The following PPP2R2A variants were observed in gnomAD, a reference collection of about 807,000 sequenced individuals.
The protein encoded by PPP2R2A is serine/threonine-protein phosphatase 2A 55 kDa regulatory subunit B alpha isoform.
Under a neutral mutation model 53.2 loss-of-function variants are expected in PPP2R2A, and 9 were observed. The ratio of observed to expected loss-of-function variants is 0.17; its 90% CI spans 0.10 to 0.30. The LOEUF is 0.30. Among genes scored for constraint, PPP2R2A ranks in the 10% least tolerant of loss-of-function variants. The probability of loss-of-function intolerance (pLI) is 1.00; values close to 1 mark genes in which losing one functional copy is unlikely to be tolerated. For synonymous variants in PPP2R2A, 169 were observed against 174.2 expected (o/e 0.97, Z 0.23); for missense variants, 235 against 534.6 (o/e 0.44, Z 5.53).
At chr8:26,363,407 T>G (rs114304086) in intron 7 of PPP2R2A, 8,202 of 207,550 alleles carry the variant, frequency 0.04, 159 homozygotes, top group Middle Eastern at 0.062. Flanking sequence ...ATACAGGCAG[T>G]CAGTGAGGCA....
chr8:26,315,874 A>G (rs1383586904), intron 2 of PPP2R2A, among the ~76,000 whole-genome samples: 1 of 152,236 alleles, frequency 6.6e-6, no homozygotes, highest in Non-Finnish European at 1.5e-5. Context: ...TAACAAGTGT[A>G]TCAAAATGTT....
Position 26,333,693 on chromosome 8 carries a change from C to T in PPP2R2A, c.83-5197C>T, listed in dbSNP as rs751445520. On this transcript the variant is annotated intron_variant, in intron 2 of 9. Coordinates refer to ENST00000380737, the MANE Select transcript of PPP2R2A (RefSeq NM_002717.4). ...TTGCTGATTTTTATACTGAGAGTTA[C>T]ATTTTTGAACCTTTGGCTGTATGTG... The T allele has an allele frequency of 4.5e-5, 15 of 331,782 alleles. 1 individual carries two copies. The highest frequency in any genetic ancestry group is 1.8e-4 in the Admixed American group (4 of 22,244). The allele number at this position is 331,782 out of a possible 1,614,324, so 20.6% of individuals were successfully genotyped here.
chr8:26,350,772 T>TC (rs1804460113), intron 3 of PPP2R2A: 1 of 152,200 alleles, frequency 6.6e-6, no homozygotes, highest in Non-Finnish European at 1.5e-5. Flanking sequence ...CGAAATCTCT[T>TC]ATAATTTTCT....
chr8:26,320,280 C>T (rs1802770256), intron 2 of PPP2R2A, among the ~76,000 whole-genome samples: 1 of 152,194 alleles, frequency 6.6e-6, no homozygotes, highest in African/African-American at 2.4e-5. Context: ...GGTTATTTGG[C>T]AAACTCTACA....
intron 3 of PPP2R2A, among the ~76,000 whole-genome samples, chr8:26,342,961 G>A (rs1238263629): frequency 6.6e-6 from 1 of 152,110 alleles, no homozygotes; most frequent in Non-Finnish European, 1.5e-5. Context: ...GGAGGCTGAG[G>A]CAGGTGGATC....
At chr8:26,352,687 G>C (rs978065190) in intron 3 of PPP2R2A, among the ~76,000 whole-genome samples, 6 of 152,248 alleles carry the variant, frequency 3.9e-5, no homozygotes, top group African/African-American at 1.4e-4. Context: ...TTTGTTTTTG[G>C]ATTCTGTAAG....
chr8:26,292,864 C>G (rs1235963147), intron 1 of PPP2R2A, among the ~76,000 whole-genome samples: 1 of 152,174 alleles, frequency 6.6e-6, no homozygotes, highest in Non-Finnish European at 1.5e-5. Flanking sequence ...GAGATGAGAC[C>G]AGTTTTCCGT....
In PPP2R2A at chr8:26,330,909, T is replaced by C. The variant is rs191717168; in HGVS notation, c.83-7981T>C. ...GGATCAAATGTTTGTTGTTAAACTT[T>C]GTTAGGACAAGTTTAGTCTTTAGTG... On this transcript the variant is annotated intron_variant, in intron 2 of 9. Transcript: ENST00000380737. Among the ~76,000 whole-genome samples, 186 of 152,318 alleles carry C rather than the reference T, an allele frequency of 1.2e-3. 2 individuals carry two copies. Among genetic ancestry groups the C allele is most frequent in the African/African-American group, 4.1e-3 (170 of 41,566 alleles).
chr8:26,352,412 C>A (rs1473367770), intron 3 of PPP2R2A, among the ~76,000 whole-genome samples: 2 of 152,166 alleles, frequency 1.3e-5, no homozygotes, highest in African/African-American at 4.8e-5. Context: ...CCACTTGTAC[C>A]CATCTGTTTT....
At chr8:26,348,122 G>A (rs563022757) in intron 3 of PPP2R2A, among the ~76,000 whole-genome samples, 2 of 152,008 alleles carry the variant, frequency 1.3e-5, no homozygotes, top group Non-Finnish European at 2.9e-5. Flanking sequence ...CTATATAGAA[G>A]ATGAACATTA....
intron 2 of PPP2R2A, among the ~76,000 whole-genome samples, chr8:26,304,952 A>T (rs12546070): frequency 6.6e-6 from 1 of 151,758 alleles, no homozygotes; most frequent in East Asian, 1.9e-4. Context: ...CATTAAATTT[A>T]CCATCTTAAC....
At chr8:26,356,209 G>C (rs1804775062) in intron 4 of PPP2R2A, among the ~76,000 whole-genome samples, 1 of 152,170 alleles carries the variant, frequency 6.6e-6, no homozygotes, top group African/African-American at 2.4e-5. Context: ...ATGACTTCAG[G>C]ATGAAATGGG....
chr8:26,331,039 C>T (rs1366675491), intron 2 of PPP2R2A, among the ~76,000 whole-genome samples: 1 of 152,152 alleles, frequency 6.6e-6, no homozygotes, highest in Non-Finnish European at 1.5e-5. Context: ...TTCAGAGCCT[C>T]ATGTCACTTC....
At chr8:26,299,596 A>G (rs555009910) in intron 2 of PPP2R2A, among the ~76,000 whole-genome samples, 1 of 152,238 alleles carries the variant, frequency 6.6e-6, no homozygotes. Flanking sequence ...AAATAAGGAC[A>G]TAAGTAAAAA....
At chr8:26,341,957 CTG>C (rs909455933) in intron 3 of PPP2R2A, among the ~76,000 whole-genome samples, 4 of 152,180 alleles carry the variant, frequency 2.6e-5, no homozygotes, top group Admixed American at 1.3e-4. Flanking sequence ...AGGCGGGTAT[CTG>C]TGTCCTCTTG....
intron 2 of PPP2R2A, among the ~76,000 whole-genome samples, chr8:26,314,893 C>A (rs1308940715): frequency 2.1e-5 from 3 of 142,574 alleles, no homozygotes; most frequent in African/African-American, 7.9e-5. Flanking sequence ...TCCCTTCCCC[C>A]CCCCCCCCCC....
intron 2 of PPP2R2A, among the ~76,000 whole-genome samples, chr8:26,328,222 G>A (rs952156263): frequency 2.0e-5 from 3 of 152,166 alleles, no homozygotes; most frequent in East Asian, 3.9e-4. Context: ...GTTAGTTATG[G>A]GTTTAACCCT....
intron 1 of PPP2R2A, chr8:26,293,437 A>G (rs1435069175): frequency 2.3e-5 from 17 of 723,462 alleles, no homozygotes; most frequent in Middle Eastern, 3.4e-4. Context: ...TTTAATGACC[A>G]CAGAACATGT....
chr8:26,314,120 C>G (rs1294671135), intron 2 of PPP2R2A, among the ~76,000 whole-genome samples: 2 of 152,154 alleles, frequency 1.3e-5, no homozygotes, highest in Non-Finnish European at 2.9e-5. Flanking sequence ...TCCACATGAT[C>G]AAGAAGAATC....
Sources: allele counts gnomAD v4.1 joint callset (sites outside exome capture counted in the v4.1 genomes callset), GRCh38; gene constraint gnomAD v4.1.1; transcripts MANE v1.5; gene names NCBI Gene and HGNC (gene_info 2026-07-23, HGNC 2026-07-21).